The following WDR3 variants were observed in gnomAD, a reference collection of about 807,000 sequenced individuals.
The protein encoded by WDR3 is WD repeat-containing protein 3.
WDR3 carries 81 observed loss-of-function variants against 123.7 expected under a neutral mutation model. The observed-to-expected ratio is 0.65, with a 90% CI of 0.55 to 0.79. The LOEUF (loss-of-function observed/expected upper bound fraction) is 0.79. Ranked by LOEUF, WDR3 falls within the 30% of genes least tolerant of loss-of-function variation. The probability of loss-of-function intolerance (pLI) is 0.00; values close to 1 mark genes in which losing one functional copy is unlikely to be tolerated. For missense variants in WDR3, 1,027 were observed against 1,123.2 expected (o/e 0.91, Z 1.22); for synonymous variants, 390 against 388.8 (o/e 1.00, Z -0.04).
chr1:117,942,082 G>A (rs1468173599), intron 9 of WDR3, among the ~76,000 whole-genome samples: 3 of 152,162 alleles, frequency 2.0e-5, no homozygotes, highest in Non-Finnish European at 4.4e-5. Context: ...GGATTGTTAA[G>A]TGCAGGTTAA....
chr1:117,951,938 C>A, intron 16 of WDR3, 38 bp from the exon 17 acceptor site: 2 of 1,569,280 alleles, frequency 1.3e-6, no homozygotes, highest in East Asian at 4.5e-5. Context: ...ATACGGAATT[C>A]AAAAATCAAG....
At chr1:117,955,547 G>A (rs1652073543) in intron 24 of WDR3, among the ~76,000 whole-genome samples, 189 bp downstream of exon 24, 1 of 152,080 alleles carries the variant, frequency 6.6e-6, no homozygotes, top group Non-Finnish European at 1.5e-5. Flanking sequence ...TCCTTCTAAA[G>A]TATGAAGAGA....
chr1:117,951,658 T>C (rs562445481), intron 16 of WDR3, among the ~76,000 whole-genome samples: 1 of 152,128 alleles, frequency 6.6e-6, no homozygotes, highest in South Asian at 2.1e-4. Context: ...CCACTTTCTT[T>C]CCAAATCCCA....
rs1651881132 is a variant in WDR3 at position 117,954,556 on chromosome 1, CTTGAT to C, written c.2362-21_2362-17del. 1.2e-6 allele frequency: 2 copies of C among 1,609,840 alleles called. No individual in the cohort carries two copies. The highest frequency in any genetic ancestry group is 1.3e-5 in the African/African-American group (1 of 74,612). On this transcript the variant is annotated intron_variant, in intron 22 of 26. Transcript: ENST00000349139. ...ACCTAAGTCTCAGTTTTTTTAATGA[CTTGAT>C]TTAATAATTTCTTCATAGGTTCCAC...
At chr1:117,953,716 A>G (rs1651762012) in intron 21 of WDR3, 175 bp downstream of exon 21, 1 of 642,944 alleles carries the variant, frequency 1.6e-6, no homozygotes, top group Non-Finnish European at 2.7e-6. Flanking sequence ...AGTAGTCCTG[A>G]ATCTCTTTGA....
At chr1:117,939,652 C>T in intron 6 of WDR3, 80 bp downstream of exon 6, 1 of 1,332,034 alleles carries the variant, frequency 7.5e-7, no homozygotes, top group Non-Finnish European at 1.1e-6. Context: ...TGTAATTATT[C>T]AGTACTTCAC....
intron 16 of WDR3, among the ~76,000 whole-genome samples, chr1:117,951,479 A>G (rs564262528): frequency 6.7e-6 from 1 of 150,186 alleles, no homozygotes; most frequent in East Asian, 2.0e-4. Flanking sequence ...GTGCACTAAC[A>G]AAGTTAAGTT....
At chr1:117,955,700 A>G (rs1440773865) in intron 24 of WDR3, among the ~76,000 whole-genome samples, 1 of 152,032 alleles carries the variant, frequency 6.6e-6, no homozygotes, top group African/African-American at 2.4e-5. Flanking sequence ...AATATTATAT[A>G]AAGTTTTATA....
In WDR3 at chr1:117,957,131, T is replaced by A; in HGVS notation, c.2517T>A (p.Phe839Leu). ...FSYVPDILKLFNEFIQLGSDV... is the reference protein window; with the variant it reads ...FSYVPDILKLLNEFIQLGSDV... ...ATGTCCCAGACATTCTTAAACTCTT[T>A]AACGAATTCATTCAGCTGGGCTCTG... is the stretch of plus-strand genomic sequence containing the variant. The change falls in exon 25 of 27, where the codon TTT (phenylalanine) becomes TTA (leucine). Residue 839 changes from phenylalanine (F) to leucine (L), a missense_variant. Coordinates refer to ENST00000349139, the MANE Select transcript of WDR3 (RefSeq NM_006784.3). 6.2e-7 allele frequency: 1 copy of A among 1,612,828 alleles called. No individual in the cohort carries two copies. The highest frequency in any genetic ancestry group is 1.3e-5 in the African/African-American group (1 of 74,998).
Position 117,936,778 on chromosome 1 carries a change from A to G in WDR3, c.391A>G (p.Ile131Val), listed in dbSNP as rs1323249668. The G allele has an allele frequency of 6.2e-7, 1 of 1,610,736 alleles. No individual in the cohort carries two copies. The highest frequency in any genetic ancestry group is 1.1e-5 in the South Asian group (1 of 90,492). Reference sequence around the variant, plus strand: ...TATTTGATCCCTTTAGGACACAGATATTATTGTATGGGATGTGATCAATGA... The same window carrying G: ...TATTTGATCCCTTTAGGACACAGATGTTATTGTATGGGATGTGATCAATGA... ...RLASGSKDTD[I>V]IVWDVINESG... is the part of the protein sequence containing the mutation. Residue 131 changes from isoleucine to valine, a missense_variant, in exon 4 of 27, where the codon ATT becomes GTT. Coordinates refer to ENST00000349139, the MANE Select transcript of WDR3 (RefSeq NM_006784.3).
intron 24 of WDR3, among the ~76,000 whole-genome samples, chr1:117,956,693 C>G (rs1239483522): frequency 6.6e-6 from 1 of 152,054 alleles, no homozygotes; most frequent in Non-Finnish European, 1.5e-5. Flanking sequence ...AATAGTGTAG[C>G]ATTGGTGTCA....
chr1:117,941,889 G>A (rs777544613), intron 9 of WDR3, 42 bp downstream of exon 9: 34 of 1,546,908 alleles, frequency 2.2e-5, no homozygotes, highest in Middle Eastern at 1.7e-4. Flanking sequence ...AAGTATCCTG[G>A]GTAGGCCCCA....
In WDR3 at chr1:117,953,003, A is replaced by G. The variant is rs2273579; in HGVS notation, c.2202+7A>G. 4.6e-5 allele frequency: 74 copies of G among 1,613,018 alleles called. No individual in the cohort carries two copies. In the East Asian group the frequency reaches 1.5e-3, roughly 34 times the overall value. On this transcript the variant is annotated splice_region_variant and intron_variant, in intron 20 of 26. Coordinates refer to ENST00000349139, the MANE Select transcript of WDR3 (RefSeq NM_006784.3). ...CAAAGAAGACCAACCAGCAGTAAGT[A>G]AATTTTGGGGACCTTGAGATTATGC...
In WDR3 at chr1:117,964,297, G is replaced by C. The variant is rs1475133718; in HGVS notation, c.*4850G>C. On this transcript the variant is annotated 3_prime_UTR_variant, in exon 27 of 27. Coordinates refer to ENST00000349139, the MANE Select transcript of WDR3 (RefSeq NM_006784.3). ...TCATTGTTGACACTGTAAGTAAGTA[G>C]ATAAAAGATCTGATAAGATTTTTTG... is the stretch of plus-strand genomic sequence containing the variant. The C allele has an allele frequency of 6.3e-6, 1 of 158,436 alleles. No individual in the cohort carries two copies. The highest frequency in any genetic ancestry group is 2.4e-5 in the African/African-American group (1 of 40,906). The allele number at this position is 158,436 out of a possible 1,614,324, so 9.8% of individuals were successfully genotyped here.
intron 20 of WDR3, 146 bp from the exon 21 acceptor site, chr1:117,953,330 C>A: frequency 1.2e-6 from 1 of 808,300 alleles, no homozygotes; most frequent in Non-Finnish European, 2.0e-6. Context: ...AATACATATG[C>A]TAAGTTCTGT....
rs1244241423 is a variant in WDR3, at chr1:117,948,285, C to G, written c.1423-120C>G. On this transcript the variant is annotated intron_variant, in intron 12 of 26. Coordinates refer to ENST00000349139, the MANE Select transcript of WDR3 (RefSeq NM_006784.3). ...GAACATGGAATGTGGGATCCATTTC[C>G]TAAGCAATGGATCACATTTTTGCAG... is the stretch of plus-strand genomic sequence containing the variant. The G allele has an allele frequency of 1.8e-5, 13 of 737,658 alleles. No homozygotes were observed. The East Asian group carries it at 2.7e-4, about 15-fold the overall frequency. 45.7% of individuals were successfully genotyped at this position (737,658 alleles called of 1,614,324 possible).
chr1:117,957,709 T>G (rs984161711), intron 25 of WDR3, among the ~76,000 whole-genome samples: 1 of 152,244 alleles, frequency 6.6e-6, no homozygotes, highest in Non-Finnish European at 1.5e-5. Flanking sequence ...TTTGTTGTTG[T>G]TGTTCATCAG....
At chr1:117,937,034 T>A (rs1359694929) in intron 4 of WDR3, 147 bp downstream of exon 4, 1 of 615,484 alleles carries the variant, frequency 1.6e-6, no homozygotes, top group Non-Finnish European at 2.9e-6. Flanking sequence ...TTCCATTTCT[T>A]CTAAGTAGTA....
At chr1:117,948,340 C>G in intron 12 of WDR3, 65 bp from the exon 13 acceptor site, 1 of 1,379,302 alleles carries the variant, frequency 7.3e-7, no homozygotes, top group Non-Finnish European at 1.0e-6. Context: ...CTAAATTGTG[C>G]AGTCATGAAT....
Sources: gnomAD v4.1 joint callset for allele counts (sites outside exome capture counted in the v4.1 genomes callset) on GRCh38, gnomAD v4.1.1 for gene constraint, MANE v1.5 for transcripts, NCBI Gene and HGNC (gene_info 2026-07-23, HGNC 2026-07-21) for gene names.